Variants in FANCC observed in about 807,000 individuals in gnomAD.
FANCC encodes the protein Fanconi anemia group C protein.
In FANCC, 55 loss-of-function variants were observed where a neutral mutation model predicts 71.3. That is an observed-to-expected ratio of 0.77 (90% CI 0.62 to 0.97). FANCC has a LOEUF of 0.97. Among genes scored for constraint, FANCC ranks in the 50% least tolerant of loss-of-function variants. The pLI, the probability that FANCC is intolerant of heterozygous loss-of-function variation, is 0.00. For missense variants in FANCC, 678 were observed against 670.9 expected (o/e 1.01, Z -0.12); for synonymous variants, 275 against 244.9 (o/e 1.12, Z -1.15).
intron 14 of FANCC, among the ~76,000 whole-genome samples, chr9:95,104,407 C>T (rs1409753639): frequency 2.6e-5 from 4 of 152,114 alleles, no homozygotes; most frequent in African/African-American, 7.2e-5. Context: ...TTCTCTGTGG[C>T]GGAACTGACT....
At chr9:95,138,607 A>T (rs1828088935) in intron 7 of FANCC, among the ~76,000 whole-genome samples, 1 of 152,140 alleles carries the variant, frequency 6.6e-6, no homozygotes, top group South Asian at 2.1e-4. Context: ...ATGTAACACG[A>T]ATCTGTATGT....
intron 1 of FANCC, among the ~76,000 whole-genome samples, chr9:95,276,040 C>T (rs1833018773): frequency 6.6e-6 from 1 of 152,142 alleles, no homozygotes; most frequent in African/African-American, 2.4e-5. Context: ...AATCAGACAG[C>T]CAGATGCTTG....
At chr9:95,308,042 T>C (rs1413742083) in intron 1 of FANCC, among the ~76,000 whole-genome samples, 1 of 152,186 alleles carries the variant, frequency 6.6e-6, no homozygotes, top group African/African-American at 2.4e-5. Context: ...TTCATGTACA[T>C]CAGTAATACC....
At chr9:95,292,788 G>A (rs1050263641) in intron 1 of FANCC, 12 of 1,543,776 alleles carry the variant, frequency 7.8e-6, no homozygotes, top group African/African-American at 4.1e-5. Context: ...GTTTTCTCTC[G>A]TAAAACAGCA....
intron 12 of FANCC, chr9:95,114,255 C>G: frequency 2.9e-6 from 1 of 346,358 alleles, no homozygotes; most frequent in Non-Finnish European, 5.6e-6. Flanking sequence ...CCACAGGACC[C>G]AAACAAGTGC....
intron 1 of FANCC, among the ~76,000 whole-genome samples, chr9:95,269,384 G>T (rs574574251): frequency 2.0e-5 from 3 of 152,356 alleles, no homozygotes; most frequent in East Asian, 3.9e-4. Flanking sequence ...GTTGAAAGAT[G>T]ATTACAATAG....
intron 6 of FANCC, among the ~76,000 whole-genome samples, chr9:95,155,328 A>AGGGGG (rs1830408618): frequency 4.0e-5 from 1 of 25,076 alleles, no homozygotes; most frequent in Non-Finnish European, 6.6e-5. Flanking sequence ...AGGGGAGGGG[A>AGGGGG]GGAAGGAAGG....
rs572244415 is a variant in FANCC, at chr9:95,137,351, G to A, written c.687-1849C>T. ...GAGGCTGAAGACCCGGGGAGACTGC[G>A]GAGGAGCTGGCAGAAGGCAGGGGGA... is the stretch of plus-strand genomic sequence containing the variant. On this transcript the variant is annotated intron_variant, in intron 7 of 14. Transcript: ENST00000289081. 5.3e-5 allele frequency among the ~76,000 whole-genome samples: 8 copies of A among 152,242 alleles called. No homozygotes were observed. The East Asian group carries it at 5.8e-4, about 11-fold the overall frequency.
intron 13 of FANCC, chr9:95,111,079 G>A (rs1331043296): frequency 6.6e-7 from 1 of 1,511,110 alleles, no homozygotes; most frequent in Non-Finnish European, 8.8e-7. Flanking sequence ...AGCGAGACAG[G>A]GCCCTGGCTG....
intron 1 of FANCC, among the ~76,000 whole-genome samples, chr9:95,286,366 T>A (rs1833688718): frequency 6.6e-6 from 1 of 152,140 alleles, no homozygotes; most frequent in South Asian, 2.1e-4. Flanking sequence ...TACGTGGAGA[T>A]GTCTGGTGTA....
At chr9:95,113,116 C>G (rs1164934002) in intron 12 of FANCC, among the ~76,000 whole-genome samples, 1 of 152,170 alleles carries the variant, frequency 6.6e-6, no homozygotes, top group East Asian at 1.9e-4. Context: ...GTGTGGGGGG[C>G]CGACTGGCCA....
chr9:95,163,692 A>C (rs904360157), intron 6 of FANCC, among the ~76,000 whole-genome samples: 24 of 152,214 alleles, frequency 1.6e-4, no homozygotes, highest in African/African-American at 5.8e-4. Context: ...TCTACTAAAA[A>C]TACAAAATCA....
chr9:95,141,319 A>T (rs1828653024), intron 7 of FANCC, among the ~76,000 whole-genome samples: 1 of 148,388 alleles, frequency 6.7e-6, no homozygotes, highest in Non-Finnish European at 1.5e-5. Context: ...CTCAAAAAAA[A>T]AAAAAAAAAA....
chr9:95,243,764 A>G (rs1830772730), intron 3 of FANCC, among the ~76,000 whole-genome samples: 1 of 152,244 alleles, frequency 6.6e-6, no homozygotes, highest in South Asian at 2.1e-4. Flanking sequence ...ACTGCACTCC[A>G]GCCTGGGTGA....
intron 4 of FANCC, among the ~76,000 whole-genome samples, chr9:95,184,629 C>T (rs4647487): frequency 0.023 from 3,484 of 152,238 alleles, 141 homozygotes; most frequent in African/African-American, 0.08. Context: ...CATAGAAACT[C>T]AATGCAGTAC....
chr9:95,109,319 A>ATTGT (rs2071720657), intron 13 of FANCC, among the ~76,000 whole-genome samples: 1 of 152,114 alleles, frequency 6.6e-6, no homozygotes, highest in South Asian at 2.1e-4. Context: ...GCCATTTCCC[A>ATTGT]TTGTTGTATT....
At chr9:95,128,335 G>A (rs994792945) in intron 8 of FANCC, among the ~76,000 whole-genome samples, 4 of 152,222 alleles carry the variant, frequency 2.6e-5, no homozygotes, top group Non-Finnish European at 5.9e-5. Flanking sequence ...GAATAAGAGT[G>A]TTTAAGATCA....
Position 95,294,493 on chromosome 9 carries a change from C to A in FANCC, c.-79+23033G>T, listed in dbSNP as rs1834255386. 3.8e-6 allele frequency: 6 copies of A among 1,588,270 alleles called. No individual in the cohort carries two copies. In the South Asian group the frequency reaches 5.5e-5, roughly 15 times the overall value. ...TTTCTTAGACAGTAGCCCTCATCTG[C>A]CTCTGGGAAGTATTCTGAAACACTC... On this transcript the variant is annotated intron_variant, in intron 1 of 14. Coordinates refer to ENST00000289081, the MANE Select transcript of FANCC (RefSeq NM_000136.3).
chr9:95,286,494 A>C (rs981757476), intron 1 of FANCC, among the ~76,000 whole-genome samples: 3 of 152,246 alleles, frequency 2.0e-5, no homozygotes, highest in African/African-American at 7.2e-5. Context: ...TTACCTAAAA[A>C]CACCTACTAT....
Sources: allele counts gnomAD v4.1 joint callset (sites outside exome capture counted in the v4.1 genomes callset), GRCh38; gene constraint gnomAD v4.1.1; transcripts MANE v1.5; gene names NCBI Gene and HGNC (gene_info 2026-07-23, HGNC 2026-07-21).